Variants in SMTN observed in about 807,000 individuals in gnomAD.
The protein encoded by SMTN is smoothelin.
A neutral mutation model predicts 102.0 loss-of-function variants in SMTN; 58 were observed. The observed-to-expected ratio is 0.57, with a 90% confidence interval of 0.46 to 0.71. The LOEUF is 0.71. Ranked by LOEUF, SMTN falls within the 30% of genes least tolerant of loss-of-function variation. The pLI is 0.00. For synonymous variants in SMTN, 478 were observed against 497.9 expected (o/e 0.96, Z 0.53); for missense variants, 1,185 against 1,241.7 (o/e 0.95, Z 0.69).
Position 31,090,185 on chromosome 22 carries a change from G to A in SMTN, c.865+5G>A, listed in dbSNP as rs768247345. On this transcript the variant is annotated splice_donor_5th_base_variant and intron_variant, in intron 8 of 20. Transcript: ENST00000333137. ...CCTCTGACACCAAGAGAGCAGGTGA[G>A]GGTCCCAGCAGGGGTAGTCACAGGC... 1.2e-5 allele frequency: 19 copies of A among 1,608,120 alleles called. No individual in the cohort carries two copies. Among genetic ancestry groups the A allele is most frequent in the Non-Finnish European group, 1.5e-5 (18 of 1,177,530 alleles).
At chr22:31,093,452 C>A (rs1305039904) in intron 11 of SMTN, 2 of 560,548 alleles carry the variant, frequency 3.6e-6, no homozygotes, top group African/African-American at 1.9e-5. Context: ...AGCACCATGC[C>A]GGGGGTACCA....
At position 31,095,199 on chromosome 22, in the gene SMTN, A is replaced by G; in HGVS notation, c.1633-104A>G. The G allele has an allele frequency of 8.2e-7, 1 of 1,226,902 alleles. No homozygotes were observed. Among genetic ancestry groups the G allele is most frequent in the South Asian group, 1.4e-5 (1 of 70,586 alleles). 76.0% of individuals were successfully genotyped at this position (1,226,902 alleles called of 1,614,324 possible). A position where few individuals can be genotyped will look rare whatever the true frequency, so the allele number is the denominator to read the frequency against. ...GGCTGGCAGGCTAGTGGTTATTTCC[A>G]AGGCGTGCCAGCAACCCTAGGATCT... On this transcript the variant is annotated intron_variant, in intron 11 of 20. Transcript: ENST00000333137. This position sits in a 1 kb window ranked among gnomAD's most constrained non-coding sequence, Gnocchi z 4.1.
At chr22:31,100,591 C>T (rs908259439) in intron 19 of SMTN, among the ~76,000 whole-genome samples, 6 of 152,114 alleles carry the variant, frequency 3.9e-5, no homozygotes, top group Non-Finnish European at 8.8e-5. Context: ...TCCCGCTTGC[C>T]CCTAGAGTTC....
At chr22:31,068,401 C>T (rs907185638) in intron 1 of SMTN, 7 of 152,178 alleles carry the variant, frequency 4.6e-5, no homozygotes, top group East Asian at 1.9e-4. Flanking sequence ...AATGTTACCC[C>T]GGGGATTCCT....
chr22:31,086,017 C>T (rs2042673902), intron 2 of SMTN, among the ~76,000 whole-genome samples: 1 of 152,232 alleles, frequency 6.6e-6, no homozygotes, highest in Admixed American at 6.5e-5. Flanking sequence ...GGCCTCTTTA[C>T]CCTCTGTACA....
At chr22:31,078,943 T>A (rs2042194588), upstream of SMTN, among the ~76,000 whole-genome samples, 1 of 152,136 alleles carries the variant, frequency 6.6e-6, no homozygotes, top group African/African-American at 2.4e-5. Flanking sequence ...CCCTAAGAAG[T>A]CTTCCAGAGC....
chr22:31,064,497 G>A (rs1227074629), intron 1 of SMTN: 1 of 152,094 alleles, frequency 6.6e-6, no homozygotes, highest in Non-Finnish European at 1.5e-5. Context: ...AGATTTCATA[G>A]GTTTTTTATT....
intron 11 of SMTN, 125 bp downstream of exon 11, chr22:31,091,972 G>A (rs2043175913): frequency 4.1e-6 from 4 of 965,832 alleles, no homozygotes; most frequent in Non-Finnish European, 6.0e-6. Context: ...CCGAGGCCCA[G>A]AGAGGGAAGG....
At position 31,091,488 on chromosome 22, in the gene SMTN, C is replaced by A. The variant is rs767982348; in HGVS notation, c.1459+6C>A. 2.0e-6 allele frequency: 3 copies of A among 1,518,082 alleles called. No homozygotes were observed. The highest frequency in any genetic ancestry group is 4.4e-5 in the Admixed American group (2 of 45,306). 94.0% of individuals were successfully genotyped at this position (1,518,082 alleles called of 1,614,324 possible). A position where few individuals can be genotyped will look rare whatever the true frequency, so the allele number is the denominator to read the frequency against. On this transcript the variant is annotated splice_donor_region_variant and intron_variant, in intron 10 of 20. Coordinates refer to ENST00000333137, the MANE Select transcript of SMTN (RefSeq NM_134269.3). ...CACAGGCAACCAGAGGGCAGGTAGGCGCCCCCCACTGCCTCCCCAATGGGG... is the reference window on the plus strand; with the variant it reads ...CACAGGCAACCAGAGGGCAGGTAGGAGCCCCCCACTGCCTCCCCAATGGGG...
chr22:31,072,406 G>A (rs1041205205), intron 1 of SMTN, among the ~76,000 whole-genome samples: 17 of 152,108 alleles, frequency 1.1e-4, no homozygotes, highest in Non-Finnish European at 1.9e-4. Flanking sequence ...CTACTCAACT[G>A]GCTTGCTGTA....
upstream of SMTN, among the ~76,000 whole-genome samples, chr22:31,079,502 T>C (rs1377530250): frequency 6.6e-6 from 1 of 152,262 alleles, no homozygotes; most frequent in African/African-American, 2.4e-5. Context: ...TCATTGGAGC[T>C]GGTGACCGCC....
In SMTN at chr22:31,090,794, C is replaced by T; in HGVS notation, c.866-14C>T. On this transcript the variant is annotated splice_polypyrimidine_tract_variant and intron_variant, in intron 8 of 20. Transcript: ENST00000333137. ...TTTCCCCACATGGCCATCACCCCCT[C>T]CCCAACCTGCCAGACGTGGCTGGAC... 6.2e-7 allele frequency: 1 copy of T among 1,609,646 alleles called. No homozygotes were observed. Among genetic ancestry groups the T allele is most frequent in the Non-Finnish European group, 8.5e-7 (1 of 1,176,108 alleles).
At chr22:31,090,717 G>A (rs1243526647) in intron 8 of SMTN, 91 bp from the exon 9 acceptor site, 2 of 1,020,276 alleles carry the variant, frequency 2.0e-6, no homozygotes, top group Non-Finnish European at 1.5e-6. Flanking sequence ...CTAGGGAGGT[G>A]TAGAGGAGAG....
At chr22:31,072,016 A>C (rs1289379864) in intron 1 of SMTN, among the ~76,000 whole-genome samples, 2 of 152,148 alleles carry the variant, frequency 1.3e-5, no homozygotes, top group African/African-American at 2.4e-5. Flanking sequence ...CTCTTAATGA[A>C]GTAAATAAAA....
At chr22:31,096,177 C>G (rs1430850451) in intron 13 of SMTN, 22 of 169,194 alleles carry the variant, frequency 1.3e-4, no homozygotes, top group Admixed American at 1.2e-3. Flanking sequence ...CCACCCCAGT[C>G]TCTATCTCTA....
chr22:31,097,749 T>A (rs907957103), intron 16 of SMTN, among the ~76,000 whole-genome samples: 2 of 151,272 alleles, frequency 1.3e-5, no homozygotes, highest in Non-Finnish European at 3.0e-5. Flanking sequence ...AATAAATAAA[T>A]AAAACAGAGG....
In SMTN at chr22:31,091,031, G is replaced by A; in HGVS notation, c.1008G>A (p.Lys336=). The change falls in exon 10 of 21, where the codon AAG becomes AAA. Residue 336 remains lysine, a synonymous_variant. Transcript: ENST00000333137. ...RAGSVRDRVH[K]FTSDSPMAAR... is the part of the protein sequence containing the mutation. ...GCTCTGTGCGGGATCGTGTCCACAA[G>A]TTCACATCTGATTCTCCTATGGCTG... 2 of 1,614,022 alleles carry A rather than the reference G, an allele frequency of 1.2e-6. No homozygotes were observed. Among genetic ancestry groups the A allele is most frequent in the Non-Finnish European group, 1.7e-6 (2 of 1,179,960 alleles).
At chr22:31,082,154 G>A (rs1373848232) in intron 1 of SMTN, 1 of 189,654 alleles carries the variant, frequency 5.3e-6, no homozygotes, top group East Asian at 1.4e-4. Context: ...TCAACAGGAG[G>A]TGGGGGGCAG....
chr22:31,086,556 T>A lies in SMTN; in HGVS notation c.52-1409T>A, dbSNP rs962669917. 2.0e-5 allele frequency among the ~76,000 whole-genome samples: 3 copies of A among 152,240 alleles called. No individual in the cohort carries two copies. The East Asian group carries it at 5.8e-4, about 29-fold the overall frequency. On this transcript the variant is annotated intron_variant, in intron 2 of 20. Transcript: ENST00000333137. ...CCTCCTGACTGGCTAGAACCAAGTA[T>A]GGGGGTGATGCTTATTGCAACTGCA...
Sources: gnomAD v4.1 joint callset for allele counts (sites outside exome capture counted in the v4.1 genomes callset) on GRCh38, gnomAD v4.1.1 for gene constraint, Gnocchi (gnomAD v3.1) non-coding constraint, MANE v1.5 for transcripts, NCBI Gene and HGNC (gene_info 2026-07-23, HGNC 2026-07-21) for gene names.